Variants in OTOP1 observed in about 807,000 individuals in gnomAD.
OTOP1 encodes the protein otopetrin 1.
OTOP1 carries 59 observed loss-of-function variants against 52.9 expected under a neutral mutation model. The ratio of observed to expected loss-of-function variants is 1.12; its 90% CI spans 0.91 to 1.39. The LOEUF (loss-of-function observed/expected upper bound fraction) is 1.39. Ranked by LOEUF, OTOP1 falls within the 40% of genes most tolerant of loss-of-function variation. The pLI is 0.00. For missense variants in OTOP1, 761 were observed against 800.9 expected (o/e 0.95, Z 0.60); for synonymous variants, 317 against 337.7 (o/e 0.94, Z 0.67).
chr4:4,220,109 T>A lies in OTOP1; in HGVS notation c.403+6353A>T, dbSNP rs1032597324. 1.4e-3 allele frequency among the ~76,000 whole-genome samples: 194 copies of A among 135,898 alleles called. 5 individuals carry two copies. Among genetic ancestry groups the A allele is most frequent in the East Asian group, 1.0e-3 (5 of 4,880 alleles). 89.2% of individuals were successfully genotyped at this position (135,898 alleles called of 152,430 possible). A position where few individuals can be genotyped will look rare whatever the true frequency, so the allele number is the denominator to read the frequency against. Reference sequence around the variant, plus strand: ...TATATATATATATATATATATATTTTTTTTTTTTTTGAGATGGAGTTTCAC... The same window carrying A: ...TATATATATATATATATATATATTTATTTTTTTTTTGAGATGGAGTTTCAC... On this transcript the variant is annotated intron_variant, in intron 1 of 5. Transcript: ENST00000296358.
chr4:4,219,443 T>C (rs567052018), intron 1 of OTOP1, among the ~76,000 whole-genome samples: 1 of 152,288 alleles, frequency 6.6e-6, no homozygotes, highest in African/African-American at 2.4e-5. Context: ...GGCTCACGCC[T>C]GTAATCCCAG....
At chr4:4,219,242 A>G (rs1157324780) in intron 1 of OTOP1, among the ~76,000 whole-genome samples, 1 of 152,240 alleles carries the variant, frequency 6.6e-6, no homozygotes, top group Non-Finnish European at 1.5e-5. Context: ...CTTTACACAA[A>G]TTGCACTTTT....
At chr4:4,193,750 A>G (rs1412090415) in intron 5 of OTOP1, among the ~76,000 whole-genome samples, 1 of 152,210 alleles carries the variant, frequency 6.6e-6, no homozygotes, top group East Asian at 1.9e-4. Context: ...GGGTCCTGAC[A>G]GACCATCAGT....
intron 4 of OTOP1, 135 bp downstream of exon 4, chr4:4,202,313 T>G (rs1716805366): frequency 8.3e-7 from 1 of 1,205,644 alleles, no homozygotes; most frequent in Non-Finnish European, 1.2e-6. Flanking sequence ...AACAGCGGGC[T>G]GTCTGGCTGA....
rs1452706734 is a variant in OTOP1, at chr4:4,197,968, C to A, written c.866G>T (p.Trp289Leu). Residue 289 changes from tryptophan (W) to leucine (L), a missense_variant, in exon 5 of 6, where the codon TGG becomes TTG. Trp to Leu is a moderately conservative substitution (Grantham distance 61, BLOSUM62 -2). Transcript: ENST00000296358. The part of the protein sequence containing the change: ...ILASTMLYVL[W>L]KNIGRKVDSH... ...GTCAACTTTGCGCCCGATGTTCTTC[C>A]ACAGGACGTAGAGCATTGTGGAGGC... is the stretch of plus-strand genomic sequence containing the variant. 1 of 1,613,984 alleles carries A rather than the reference C, an allele frequency of 6.2e-7. No homozygotes were observed. Among genetic ancestry groups the A allele is most frequent in the Non-Finnish European group, 8.5e-7 (1 of 1,180,022 alleles).
At chr4:4,209,183 T>A (rs1182023133) in intron 2 of OTOP1, among the ~76,000 whole-genome samples, 5 of 152,154 alleles carry the variant, frequency 3.3e-5, no homozygotes, top group Admixed American at 2.0e-4. Flanking sequence ...AGGAGTCCCC[T>A]CTCCTTGGTG....
At chr4:4,203,042 C>G (rs1560207325) in intron 3 of OTOP1, among the ~76,000 whole-genome samples, 1 of 152,252 alleles carries the variant, frequency 6.6e-6, no homozygotes, top group Non-Finnish European at 1.5e-5. Context: ...CATCCACACC[C>G]TCTGCCATGC....
At chr4:4,216,006 C>T (rs1163305883) in intron 1 of OTOP1, among the ~76,000 whole-genome samples, 1 of 151,958 alleles carries the variant, frequency 6.6e-6, no homozygotes, top group Non-Finnish European at 1.5e-5. Context: ...GCTATGCTGG[C>T]CAGGCTGGTC....
chr4:4,210,609 T>C (rs1262811127), intron 2 of OTOP1, among the ~76,000 whole-genome samples: 1 of 152,132 alleles, frequency 6.6e-6, no homozygotes, highest in East Asian at 1.9e-4. Context: ...GGCAGGTGGA[T>C]TGCCTGAGGT....
chr4:4,219,848 CAT>C (rs936535435), intron 1 of OTOP1, among the ~76,000 whole-genome samples: 5 of 144,368 alleles, frequency 3.5e-5, no homozygotes, highest in Middle Eastern at 7.6e-3. Flanking sequence ...TATATATACA[CAT>C]ATACATGTAT....
intron 4 of OTOP1, among the ~76,000 whole-genome samples, chr4:4,201,511 C>CACACACACAT (rs1473558036): frequency 1.5e-4 from 22 of 147,360 alleles, no homozygotes; most frequent in African/African-American, 4.9e-4. Context: ...TACACACACA[C>CACACACACAT]ATATATAGCC....
intron 1 of OTOP1, among the ~76,000 whole-genome samples, chr4:4,222,174 A>G (rs1717317175): frequency 6.6e-6 from 1 of 152,058 alleles, no homozygotes; most frequent in Non-Finnish European, 1.5e-5. Flanking sequence ...CAGTCTGGCT[A>G]CCCCAACAGT....
At chr4:4,207,383 AC>A (rs1405435554) in intron 2 of OTOP1, among the ~76,000 whole-genome samples, 1 of 152,224 alleles carries the variant, frequency 6.6e-6, no homozygotes, top group Admixed American at 6.5e-5. Context: ...TTCTACACCC[AC>A]ACACTTTGAG....
intron 1 of OTOP1, among the ~76,000 whole-genome samples, chr4:4,219,966 C>CAT (rs1430834644): frequency 2.9e-5 from 4 of 135,708 alleles, no homozygotes; most frequent in African/African-American, 1.2e-4. Flanking sequence ...TACATGTATA[C>CAT]ATATATACAC....
intron 4 of OTOP1, among the ~76,000 whole-genome samples, chr4:4,201,140 T>C (rs1406747181): frequency 1.3e-5 from 2 of 152,110 alleles, no homozygotes; most frequent in South Asian, 4.1e-4. Context: ...TAATATTGTC[T>C]ACCTGAGGCC....
At chr4:4,198,378 T>C (rs1716701566) in intron 4 of OTOP1, among the ~76,000 whole-genome samples, 1 of 151,382 alleles carries the variant, frequency 6.6e-6, no homozygotes, top group Non-Finnish European at 1.5e-5. Context: ...AAAATAGATA[T>C]GTAGATGATA....
chr4:4,207,381 C>T (rs2108801128), intron 2 of OTOP1, among the ~76,000 whole-genome samples: 1 of 152,176 alleles, frequency 6.6e-6, no homozygotes, highest in African/African-American at 2.4e-5. Flanking sequence ...AATTCTACAC[C>T]CACACACTTT....
chr4:4,219,893 ATG>A (rs1717245368), intron 1 of OTOP1, among the ~76,000 whole-genome samples: 1 of 146,152 alleles, frequency 6.8e-6, no homozygotes, highest in Non-Finnish European at 1.5e-5. Context: ...ATACACATAT[ATG>A]TATACACATA....
intron 1 of OTOP1, among the ~76,000 whole-genome samples, chr4:4,225,552 G>C: frequency 9.3e-6 from 1 of 107,246 alleles, no homozygotes; most frequent in Admixed American, 1.1e-4. Context: ...CTGGGAGATA[G>C]AGCAACATTG....
Sources: gnomAD v4.1 joint callset for allele counts (sites outside exome capture counted in the v4.1 genomes callset) on GRCh38, gnomAD v4.1.1 for gene constraint, MANE v1.5 for transcripts, NCBI Gene and HGNC (gene_info 2026-07-23, HGNC 2026-07-21) for gene names.